The following TOMT variants were observed in gnomAD, a reference collection of about 807,000 sequenced individuals.
TOMT encodes the protein transmembrane O-methyltransferase.
TOMT carries 23 observed loss-of-function variants against 21.7 expected under a neutral mutation model. The observed-to-expected ratio is 1.06, with a 90% CI of 0.76 to 1.50. The LOEUF is 1.50. Among genes scored for constraint, TOMT ranks in the 40% most tolerant of loss-of-function variants. The pLI is 0.00. For missense variants in TOMT, 331 were observed against 348.7 expected, an observed-to-expected ratio of 0.95 and a Z score of 0.41; for synonymous variants, 132 against 150.8, an observed-to-expected ratio of 0.88 and a Z score of 0.91.
At chr11:72,108,346 ATTTGGGTCCAGCTC>A in intron 2 of TOMT, among the ~76,000 whole-genome samples, 1 of 152,286 alleles carries the variant, frequency 6.6e-6, no homozygotes, top group South Asian at 2.1e-4. Context: ...AACCCAGCAA[ATTTGGGTCCAGCTC>A]TTACTCTGCC....
chr11:72,108,099 G>A, exon 2 of TOMT: 1 of 1,526,604 alleles, frequency 6.6e-7, no homozygotes, highest in Non-Finnish European at 8.8e-7. Context: ...CATCCGCCTG[G>A]CCGGCTTTGA....
chr11:72,108,845 C>T lies in TOMT; in HGVS notation c.697C>T (p.Arg233Cys), dbSNP rs368590279. Residue 233 changes from arginine (R) to cysteine (C), a missense_variant, in exon 3 of 3, where the codon CGC becomes TGC. Transcript: ENST00000541899. ...TAAGAGCTGTGGCCGCTACCGCTGC[C>T]GCCTCCACCACACTGGCCTTCCAGA... The T allele has an allele frequency of 5.5e-5, 85 of 1,550,694 alleles. No individual in the cohort carries two copies. The highest frequency in any genetic ancestry group is 4.8e-4 in the African/African-American group (35 of 73,154).
intron 1 of TOMT, chr11:72,107,127 T>A: frequency 2.9e-6 from 1 of 345,256 alleles, no homozygotes; most frequent in South Asian, 5.6e-5. Context: ...ATTAGCCGGG[T>A]GTGGTGGTGA....
chr11:72,105,943 G>A, exon 1 of TOMT: 3 of 1,544,180 alleles, frequency 1.9e-6, no homozygotes, highest in Non-Finnish European at 2.6e-6. Flanking sequence ...CAGGGCCCAG[G>A]TAGGGACCAT....
chr11:72,108,026 C>T lies in TOMT; in HGVS notation c.363C>T (p.Pro121=), dbSNP rs1591192144. ...CCCTGCTTATTGCCCGAGCCCTGCC[C>T]CCTGGGGGTCGCCTTCTTACTGTGG... is the stretch of plus-strand genomic sequence containing the variant. Residue 121 remains proline, a synonymous_variant, in exon 2 of 3, where the codon CCC becomes CCT. Transcript: ENST00000541899. 2 of 1,551,480 alleles carry T rather than the reference C, an allele frequency of 1.3e-6. No homozygotes were observed. The highest frequency in any genetic ancestry group is 2.7e-5 in the African/African-American group (2 of 73,010).
exon 2 of TOMT, chr11:72,108,081 G>A (rs1945887619): frequency 1.3e-6 from 2 of 1,537,034 alleles, no homozygotes; most frequent in East Asian, 4.9e-5. Context: ...AGCAGTGGCT[G>A]AAAAACTCAT....
chr11:72,108,901 G>T, exon 3 of TOMT: 1 of 1,545,290 alleles, frequency 6.5e-7, no homozygotes. Context: ...GAATAGCTCA[G>T]CTCACCTATG....
chr11:72,108,079 C>T, exon 2 of TOMT: 1 of 1,537,598 alleles, frequency 6.5e-7, no homozygotes, highest in African/African-American at 1.4e-5. Context: ...GCAGCAGTGG[C>T]TGAAAAACTC....
At chr11:72,107,304 C>G (rs1243883799) in intron 1 of TOMT, 2 of 602,212 alleles carry the variant, frequency 3.3e-6, no homozygotes, top group African/African-American at 1.9e-5. Flanking sequence ...ATTCCAAGAT[C>G]AGAAATACAT....
chr11:72,108,709 T>C (rs1591194122), exon 3 of TOMT: 3 of 1,549,356 alleles, frequency 1.9e-6, no homozygotes, highest in East Asian at 2.4e-5. Context: ...GGCCACGATG[T>C]TACCTGAGGG....
intron 1 of TOMT, 75 bp from the exon 2 acceptor site, chr11:72,107,848 G>C (rs1451876628): frequency 6.7e-7 from 1 of 1,496,008 alleles, no homozygotes. Context: ...AGGCAGGTAG[G>C]CATTTGAGAT....
rs533495759 is a variant in TOMT at position 72,108,221 on chromosome 11, A to G, written c.456+102A>G. On this transcript the variant is annotated intron_variant, in intron 2 of 2. Coordinates refer to ENST00000541899, the Ensembl canonical transcript of TOMT. Reference sequence around the variant, plus strand: ...CATCTAAGGAGAAGGAAGCACCTCCACTCTGGGGACTGTGATGCTGGATGG... The same window carrying G: ...CATCTAAGGAGAAGGAAGCACCTCCGCTCTGGGGACTGTGATGCTGGATGG... 178 of 1,027,656 alleles carry G rather than the reference A, an allele frequency of 1.7e-4. No individual in the cohort carries two copies. The Middle Eastern group carries it at 2.6e-3, about 15-fold the overall frequency. The allele number at this position is 1,027,656 out of a possible 1,614,324, so 63.7% of individuals were successfully genotyped here.
At chr11:72,109,429 C>A, downstream of TOMT, 2 of 440,864 alleles carry the variant, frequency 4.5e-6, no homozygotes, top group South Asian at 3.2e-5. Context: ...TGGCACAGAA[C>A]CCTGGACCCA....
intron 1 of TOMT, 142 bp from the exon 2 acceptor site, chr11:72,107,781 A>T: frequency 1.2e-6 from 1 of 826,000 alleles, no homozygotes. Context: ...CCAGGAGGGC[A>T]GCTGGGGCTA....
exon 1 of TOMT, chr11:72,106,210 G>A (rs1945683865): frequency 9.4e-6 from 14 of 1,486,560 alleles, no homozygotes; most frequent in East Asian, 5.0e-5. Context: ...GCCTGTCAAA[G>A]GTCAGTGTTC....
chr11:72,107,798 A>C, intron 1 of TOMT, 125 bp from the exon 2 acceptor site: 1 of 1,024,592 alleles, frequency 9.8e-7, no homozygotes, highest in Non-Finnish European at 1.5e-6. Flanking sequence ...GCTATGGTAC[A>C]AGAGACAGAT....
rs76657474 is a variant in TOMT at position 72,107,961 on chromosome 11, G to C, written c.298G>C (p.Ala100Pro). 3.1e-4 allele frequency: 478 copies of C among 1,551,698 alleles called. 1 individual carries two copies. In the African/African-American group the frequency reaches 5.6e-3, roughly 18 times the overall value. ...GCGGCTGGTGGAGGAGAAGGCCCCT[G>C]CTTGTGTGCTGGAATTGGGAACCTA... The change falls in exon 2 of 3, where the codon GCT (alanine) becomes CCT (proline). Residue 100 changes from alanine (A) to proline (P), a missense_variant. Ala to Pro is a conservative substitution (Grantham distance 27). Transcript: ENST00000541899.
chr11:72,107,286 TTCA>T, intron 1 of TOMT: 1 of 601,946 alleles, frequency 1.7e-6, no homozygotes, highest in Non-Finnish European at 3.0e-6. Flanking sequence ...TAAATAAAAG[TTCA>T]TCCAATTCCA....
chr11:72,108,814 G>A (rs2135215548), exon 3 of TOMT: 1 of 1,550,682 alleles, frequency 6.4e-7, no homozygotes, highest in African/African-American at 1.4e-5. Flanking sequence ...GCTTCTTGCA[G>A]TATGCTAAGA....
Sources: gnomAD v4.1 joint callset for allele counts (sites outside exome capture counted in the v4.1 genomes callset) on GRCh38, gnomAD v4.1.1 for gene constraint, MANE v1.5 for transcripts, NCBI Gene and HGNC (gene_info 2026-07-23, HGNC 2026-07-21) for gene names.